Variants in PARD3B observed in about 807,000 individuals in gnomAD.
PARD3B encodes par-3 family cell polarity regulator beta, also known as partitioning defective 3 homolog B.
A neutral mutation model predicts 130.2 loss-of-function variants in PARD3B; 103 were observed. The observed-to-expected ratio is 0.79, with a 90% confidence interval of 0.67 to 0.93. The LOEUF is 0.93. Ranked by LOEUF, PARD3B falls within the 40% of genes least tolerant of loss-of-function variation. PARD3B has a pLI of 0.00. For synonymous variants in PARD3B, 583 were observed against 553.2 expected (o/e 1.05, Z -0.76); for missense variants, 1,609 against 1,499.2 (o/e 1.07, Z -1.21).
intron 4 of PARD3B, among the ~76,000 whole-genome samples, chr2:205,098,686 A>T (rs1043131156): frequency 2.6e-5 from 4 of 152,174 alleles, no homozygotes; most frequent in Non-Finnish European, 5.9e-5. Flanking sequence ...ATAGCCTGGT[A>T]CTGATACCTT....
intron 18 of PARD3B, among the ~76,000 whole-genome samples, chr2:205,388,358 C>T (rs2105969224): frequency 6.6e-6 from 1 of 152,310 alleles, no homozygotes; most frequent in South Asian, 2.1e-4. Context: ...GAACAAAATA[C>T]ACTTACATAG....
chr2:205,137,588 T>C (rs900153776), intron 10 of PARD3B, among the ~76,000 whole-genome samples: 3 of 152,240 alleles, frequency 2.0e-5, no homozygotes, highest in Non-Finnish European at 2.9e-5. Context: ...GTTAAAATTA[T>C]GTTTTATTAT....
rs1267754111 is a variant in PARD3B at position 205,393,008 on chromosome 2, T to A, written c.2631-8005T>A. Among the ~76,000 whole-genome samples, 3 of 152,304 alleles carry A rather than the reference T, an allele frequency of 2.0e-5. No homozygotes were observed. The East Asian group carries it at 5.8e-4, about 29-fold the overall frequency. ...AATTGGTCAATTTTCACTGAATTTT[T>A]ATCAGTCTCATTAACTCTCAAGTAC... On this transcript the variant is annotated intron_variant, in intron 18 of 22. Transcript: ENST00000406610.
Position 205,563,592 on chromosome 2 carries a change from C to T in PARD3B, c.3260+10189C>T, listed in dbSNP as rs536739865. Among the ~76,000 whole-genome samples, 4 of 151,532 alleles carry T rather than the reference C, an allele frequency of 2.6e-5. No homozygotes were observed. The highest frequency in any genetic ancestry group is 9.7e-5 in the African/African-American group (4 of 41,282). On this transcript the variant is annotated intron_variant, in intron 22 of 22. Coordinates refer to ENST00000406610, the MANE Select transcript of PARD3B (RefSeq NM_001302769.2). This position sits in a 1 kb window ranked among gnomAD's most constrained non-coding sequence, Gnocchi z 4.2. The stretch of plus-strand genomic sequence containing the variant: ...GACCATATGAAGAATAGCCCATGTT[C>T]ATTGTGAACATCTTTTAAGGTTCCA...
rs2040947963 is a variant in PARD3B at position 205,276,350 on chromosome 2, ACCTCCAGTT to A, written c.2186-24176_2186-24168del. ...CTGAAAAGATCACGAAATCTCAAAG[ACCTCCAGTT>A]CCTTGGTATTTATACAGCATTTGTG... On this transcript the variant is annotated intron_variant, in intron 16 of 22. Transcript: ENST00000406610. This position sits in a 1 kb window ranked among gnomAD's most constrained non-coding sequence, Gnocchi z 5.0. Among the ~76,000 whole-genome samples, 1 of 152,062 alleles carries A rather than the reference ACCTCCAGTT, an allele frequency of 6.6e-6. No individual in the cohort carries two copies. Among genetic ancestry groups the A allele is most frequent in the East Asian group, 1.9e-4 (1 of 5,158 alleles).
chr2:205,238,218 G>A (rs548636316), intron 15 of PARD3B, among the ~76,000 whole-genome samples: 6 of 152,156 alleles, frequency 3.9e-5, no homozygotes, highest in African/African-American at 7.2e-5. Flanking sequence ...AAACAGACCC[G>A]TGCACAAATA....
At chr2:205,543,199 A>T (rs2052237627) in intron 21 of PARD3B, among the ~76,000 whole-genome samples, 1 of 152,228 alleles carries the variant, frequency 6.6e-6, no homozygotes, top group African/African-American at 2.4e-5. Flanking sequence ...CTGAGATCTT[A>T]GGTAAACCAA....
intron 11 of PARD3B, among the ~76,000 whole-genome samples, chr2:205,170,055 C>G (rs911228559): frequency 3.3e-5 from 5 of 151,802 alleles, no homozygotes; most frequent in Non-Finnish European, 7.4e-5. Context: ...CTCAGCCTCC[C>G]GAGTAGCTGG....
chr2:204,973,649 C>T (rs555306927), intron 3 of PARD3B, among the ~76,000 whole-genome samples: 4 of 151,920 alleles, frequency 2.6e-5, no homozygotes, highest in East Asian at 1.9e-4. Flanking sequence ...GAGTTGGACA[C>T]GCTTTCGTGA....
At chr2:204,793,913 A>C (rs1291506327) in intron 2 of PARD3B, among the ~76,000 whole-genome samples, 1 of 152,242 alleles carries the variant, frequency 6.6e-6, no homozygotes, top group Non-Finnish European at 1.5e-5. Flanking sequence ...GAATAGTCTC[A>C]TAGAGAGGCA....
At chr2:205,096,308 C>T (rs1702394752) in intron 4 of PARD3B, among the ~76,000 whole-genome samples, 1 of 152,092 alleles carries the variant, frequency 6.6e-6, no homozygotes, top group African/African-American at 2.4e-5. Flanking sequence ...GGTCACCAGA[C>T]AAAGCAATGA....
At chr2:204,819,445 A>T (rs2125541051) in intron 2 of PARD3B, among the ~76,000 whole-genome samples, 1 of 152,220 alleles carries the variant, frequency 6.6e-6, no homozygotes, top group African/African-American at 2.4e-5. Context: ...CTACTCCACC[A>T]GTCAACTGTT....
chr2:205,090,197 C>T (rs755428542), intron 4 of PARD3B, among the ~76,000 whole-genome samples: 3 of 152,110 alleles, frequency 2.0e-5, no homozygotes, highest in East Asian at 1.9e-4. Flanking sequence ...TTAGATATGG[C>T]GGAGTGATTG....
chr2:204,942,562 C>T (rs574665434), intron 2 of PARD3B, among the ~76,000 whole-genome samples: 1 of 151,696 alleles, frequency 6.6e-6, no homozygotes, highest in Non-Finnish European at 1.5e-5. Context: ...AACCTCTTTC[C>T]ACAAATTTGG....
chr2:205,127,732 GAA>G (rs199962716), intron 10 of PARD3B, among the ~76,000 whole-genome samples: 1 of 151,898 alleles, frequency 6.6e-6, no homozygotes, highest in African/African-American at 2.4e-5. Context: ...GGGAAAATAA[GAA>G]AAAAAGAGTG....
chr2:205,282,528 C>T (rs2041230215), intron 16 of PARD3B, among the ~76,000 whole-genome samples: 1 of 132,534 alleles, frequency 7.5e-6, no homozygotes, highest in Non-Finnish European at 1.7e-5. Flanking sequence ...TATGTACACA[C>T]ACACATATAT....
At chr2:204,854,919 T>C (rs1311226681) in intron 2 of PARD3B, among the ~76,000 whole-genome samples, 1 of 152,126 alleles carries the variant, frequency 6.6e-6, no homozygotes, top group Admixed American at 6.5e-5. Context: ...AAAATAGCTC[T>C]TTCTGTAGAG....
At chr2:204,956,467 C>G (rs1690246966) in intron 2 of PARD3B, among the ~76,000 whole-genome samples, 1 of 151,846 alleles carries the variant, frequency 6.6e-6, no homozygotes, top group Admixed American at 6.6e-5. Context: ...TTAAAAAAAG[C>G]AGGTAAGATG....
chr2:204,858,022 T>C (rs1456627602), intron 2 of PARD3B, among the ~76,000 whole-genome samples: 1 of 152,284 alleles, frequency 6.6e-6, no homozygotes, highest in African/African-American at 2.4e-5. Flanking sequence ...ATGGAATTTA[T>C]CTGGGTTCAC....
Sources: gnomAD v4.1 joint callset for allele counts (sites outside exome capture counted in the v4.1 genomes callset) on GRCh38, gnomAD v4.1.1 for gene constraint, Gnocchi (gnomAD v3.1) non-coding constraint, MANE v1.5 for transcripts, NCBI Gene and HGNC (gene_info 2026-07-23, HGNC 2026-07-21) for gene names.